The following ANKRD1 variants were observed in gnomAD, a reference collection of about 807,000 sequenced individuals.
ANKRD1 encodes the protein ankyrin repeat domain 1, also known as ankyrin repeat domain-containing protein 1.
A neutral mutation model predicts 40.1 loss-of-function variants in ANKRD1; 32 were observed. The observed-to-expected ratio is 0.80, with a 90% CI of 0.60 to 1.07. ANKRD1 has a LOEUF of 1.07. Ranked by LOEUF, ANKRD1 falls within the 50% of genes least tolerant of loss-of-function variation. The pLI, the probability that ANKRD1 is intolerant of heterozygous loss-of-function variation, is 0.00. For missense variants in ANKRD1, 359 were observed against 386.0 expected (o/e 0.93, Z 0.59); for synonymous variants, 149 against 141.2 (o/e 1.06, Z -0.39).
chr10:90,914,605 C>G (rs1383593713), intron 8 of ANKRD1, among the ~76,000 whole-genome samples: 2 of 151,974 alleles, frequency 1.3e-5, no homozygotes, highest in African/African-American at 4.8e-5. Flanking sequence ...TATCACCATT[C>G]TTTGATCCTG....
chr10:90,918,970 C>T lies in ANKRD1; in HGVS notation c.348G>A (p.Thr116=), dbSNP rs137914723. 3.8e-3 allele frequency: 5,928 copies of T among 1,564,118 alleles called. 356 individuals carry two copies. In the Admixed American group the frequency reaches 0.086, roughly 23 times the overall value. The change falls in exon 4 of 9, where the codon ACG becomes ACA. Residue 116 remains threonine, a splice_region_variant and synonymous_variant. Transcript: ENST00000371697. The part of the protein sequence containing the change: ...VVKEPEPEII[T]EPVDVPTFLK... ...GAAACGTAGGCACATCCACAGGTTC[C>T]GTCTAAAGCCAAAATAAATAAATAT...
chr10:90,918,580 C>T lies in ANKRD1; in HGVS notation c.453+285G>A, dbSNP rs115954299. On this transcript the variant is annotated intron_variant, in intron 4 of 8. Transcript: ENST00000371697. The stretch of plus-strand genomic sequence containing the variant: ...TATCTCTAAAGGTGACTTTTTGGCC[C>T]ACATTAAAAGTCTTATCCCAAGAAT... Among the ~76,000 whole-genome samples the T allele has an allele frequency of 1.7e-3, 261 of 151,806 alleles. 2 individuals are homozygous for T. Among genetic ancestry groups the T allele is most frequent in the African/African-American group, 6.1e-3 (251 of 41,364 alleles).
chr10:90,919,612 A>T (rs755335041), intron 2 of ANKRD1, among the ~76,000 whole-genome samples: 31 of 152,332 alleles, frequency 2.0e-4, no homozygotes, highest in Middle Eastern at 6.8e-3. Context: ...TTATGCTCAA[A>T]ACTTGGTTTA....
intron 6 of ANKRD1, 142 bp from the exon 7 acceptor site, chr10:90,916,022 C>A (rs1847366674): frequency 7.4e-6 from 4 of 543,854 alleles, no homozygotes; most frequent in Non-Finnish European, 6.4e-6. Context: ...AATGGAGAGG[C>A]GAGGTTAGGA....
At chr10:90,920,139 C>G (rs781426176) in intron 2 of ANKRD1, 30 bp downstream of exon 2, 6 of 1,612,506 alleles carry the variant, frequency 3.7e-6, no homozygotes, top group African/African-American at 2.7e-5. Context: ...CCCCAACATC[C>G]TACTAGTGGA....
chr10:90,918,509 C>A (rs1847396484), intron 4 of ANKRD1, among the ~76,000 whole-genome samples: 1 of 151,748 alleles, frequency 6.6e-6, no homozygotes, highest in Non-Finnish European at 1.5e-5. Flanking sequence ...GATTTCTTAT[C>A]TAGTGTTGAC....
chr10:90,913,218 TC>T (rs1312656845), intron 8 of ANKRD1, among the ~76,000 whole-genome samples: 1 of 152,206 alleles, frequency 6.6e-6, no homozygotes, highest in Non-Finnish European at 1.5e-5. Context: ...ATTGGTAAAA[TC>T]CCTTGTCCCT....
rs535016727 is a variant in ANKRD1 at position 90,918,671 on chromosome 10, C to T, written c.453+194G>A. Reference sequence around the variant, plus strand: ...TATGAGTGCAAAAAACAATGCAATCCGTATCACTGATCTAATATCTATTTA... The same window carrying T: ...TATGAGTGCAAAAAACAATGCAATCTGTATCACTGATCTAATATCTATTTA... On this transcript the variant is annotated intron_variant, in intron 4 of 8. Transcript: ENST00000371697. 9.0e-4 allele frequency among the ~76,000 whole-genome samples: 137 copies of T among 152,030 alleles called. 2 individuals are homozygous for T. The Middle Eastern group carries it at 0.027, about 30-fold the overall frequency.
intron 4 of ANKRD1, among the ~76,000 whole-genome samples, chr10:90,918,089 A>G (rs999319615): frequency 6.7e-6 from 1 of 149,266 alleles, no homozygotes; most frequent in Admixed American, 6.6e-5. Context: ...AAAGGCTCAA[A>G]ACTATCTAAA....
At chr10:90,920,862 C>T in intron 1 of ANKRD1, 139 bp downstream of exon 1, 9 of 770,486 alleles carry the variant, frequency 1.2e-5, no homozygotes, top group Non-Finnish European at 1.9e-5. Flanking sequence ...TCACTTGTTT[C>T]ATCACATCAA....
At chr10:90,913,206 G>C (rs1049567215) in intron 8 of ANKRD1, among the ~76,000 whole-genome samples, 2 of 152,174 alleles carry the variant, frequency 1.3e-5, no homozygotes, top group South Asian at 2.1e-4. Context: ...ACCATCCCAG[G>C]TATTGGTAAA....
chr10:90,912,828 C>T lies in ANKRD1; in HGVS notation c.*38G>A, dbSNP rs750377661. On this transcript the variant is annotated 3_prime_UTR_variant, in exon 9 of 9. Transcript: ENST00000371697. ...TCTCTTGGGCCATGCCTTCAAAATG[C>T]CAGTGAACATTTACTGATTAAGAGT... 1.9e-6 allele frequency: 3 copies of T among 1,574,464 alleles called. No individual in the cohort carries two copies. In the African/African-American group the frequency reaches 4.0e-5, roughly 21 times the overall value.
rs763021924 is a variant in ANKRD1 at position 90,919,209 on chromosome 10, T to G, written c.267A>C (p.Ile89=). 6.2e-7 allele frequency: 1 copy of G among 1,611,332 alleles called. No individual in the cohort carries two copies. The highest frequency in any genetic ancestry group is 8.5e-7 in the Non-Finnish European group (1 of 1,178,894). The change falls in exon 3 of 9, where the codon ATA becomes ATC. Residue 89 remains isoleucine, a synonymous_variant. Transcript: ENST00000371697. ...TTTTCCTTTTCTTCAGTTGAATGAT[T>G]ATTTCAAGGTCTTCTAAATTTTCAA... ...SKLENLEDLE[I]IIQLKKRKKY...
rs887692886 is a variant in ANKRD1 at position 90,917,640 on chromosome 10, A to G, written c.552+92T>C. 3 of 1,097,800 alleles carry G rather than the reference A, an allele frequency of 2.7e-6. No homozygotes were observed. In the African/African-American group the frequency reaches 4.7e-5, roughly 17 times the overall value. The allele number at this position is 1,097,800 out of a possible 1,614,324, so 68.0% of individuals were successfully genotyped here. A position where few individuals can be genotyped will look rare whatever the true frequency, so the allele number is the denominator to read the frequency against. ...CCTAGTTCTCTCAGATCAATTTTCA[A>G]TCCAATCAGCTCGGTTTTGCATTGG... On this transcript the variant is annotated intron_variant, in intron 5 of 8. Transcript: ENST00000371697.
At position 90,916,100 on chromosome 10, in the gene ANKRD1, G is replaced by A. The variant is rs150275749; in HGVS notation, c.651+71C>T. On this transcript the variant is annotated intron_variant, in intron 6 of 8. Transcript: ENST00000371697. ...GGAGGAGGGGGAGGGGGAAGAGTGG[G>A]AGAAGTGGAGAAGGATGGGGGACAG... 0.05 allele frequency: 41,722 copies of A among 830,928 alleles called. 1,425 individuals are homozygous for A. Among genetic ancestry groups the A allele is most frequent in the Middle Eastern group, 0.15 (363 of 2,472 alleles). 51.5% of individuals were successfully genotyped at this position (830,928 alleles called of 1,614,324 possible). A position where few individuals can be genotyped will look rare whatever the true frequency, so the allele number is the denominator to read the frequency against.
intron 1 of ANKRD1, among the ~76,000 whole-genome samples, chr10:90,920,757 A>T (rs1189833977): frequency 6.6e-6 from 1 of 152,188 alleles, no homozygotes; most frequent in Non-Finnish European, 1.5e-5. Context: ...ACTACACGTG[A>T]TTCCACACTG....
Position 90,918,991 on chromosome 10 carries a change from AATATATAT to A in ANKRD1, c.346-27_346-20del. On this transcript the variant is annotated intron_variant, in intron 3 of 8. Transcript: ENST00000371697. ...GTTCCGTCTAAAGCCAAAATAAATA[AATATATAT>A]ATATATATATATATATAGCATGAGA... is the stretch of plus-strand genomic sequence containing the variant. The A allele has an allele frequency of 3.8e-6, 1 of 266,486 alleles. No homozygotes were observed. The highest frequency in any genetic ancestry group is 7.3e-5 in the African/African-American group (1 of 13,658). The allele number at this position is 266,486 out of a possible 1,614,324, so 16.5% of individuals were successfully genotyped here.
chr10:90,914,557 C>T (rs1396888788), intron 8 of ANKRD1, among the ~76,000 whole-genome samples: 2 of 152,060 alleles, frequency 1.3e-5, no homozygotes, highest in Non-Finnish European at 2.9e-5. Context: ...TGAGGAAGCC[C>T]TACTGTTAAC....
chr10:90,919,112 C>T lies in ANKRD1; in HGVS notation c.345+19G>A, dbSNP rs1249693292. 3 of 1,610,054 alleles carry T rather than the reference C, an allele frequency of 1.9e-6. No homozygotes were observed. Among genetic ancestry groups the T allele is most frequent in the Admixed American group, 3.4e-5 (2 of 59,600 alleles). ...AACACTGGACATGTATTACTGGAAA[C>T]CAAAAAAAAAGCCCTTACAATGATT... On this transcript the variant is annotated intron_variant, in intron 3 of 8. Coordinates refer to ENST00000371697, the MANE Select transcript of ANKRD1 (RefSeq NM_014391.3).
Sources: gnomAD v4.1 joint callset for allele counts (sites outside exome capture counted in the v4.1 genomes callset) on GRCh38, gnomAD v4.1.1 for gene constraint, MANE v1.5 for transcripts, NCBI Gene and HGNC (gene_info 2026-07-23, HGNC 2026-07-21) for gene names.